The following PKNOX2 variants were observed in gnomAD, a reference collection of about 807,000 sequenced individuals.
PKNOX2 encodes PBX/knotted 1 homeobox 2.
PKNOX2 carries 14 observed loss-of-function variants against 53.1 expected under a neutral mutation model. That is an observed-to-expected ratio of 0.26 (90% CI 0.17 to 0.41). PKNOX2 has a LOEUF of 0.41. Among genes scored for constraint, PKNOX2 ranks in the 10% least tolerant of loss-of-function variants. The pLI is 1.00. For synonymous variants in PKNOX2, 257 were observed against 242.8 expected (o/e 1.06, Z -0.54); for missense variants, 496 against 602.8 (o/e 0.82, Z 1.85).
rs1441898471 is a variant in PKNOX2, at chr11:125,311,411, A to G, written c.-129-20408A>G. Among the ~76,000 whole-genome samples the G allele has an allele frequency of 2.0e-5, 3 of 152,186 alleles. No homozygotes were observed. The East Asian group carries it at 5.8e-4, about 29-fold the overall frequency. Reference sequence around the variant, plus strand: ...AGGGAACAAGAATTGTCCCCGCCTTAGACACCATGGAGGAGGCAGACACAC... The same window carrying G: ...AGGGAACAAGAATTGTCCCCGCCTTGGACACCATGGAGGAGGCAGACACAC... On this transcript the variant is annotated intron_variant, in intron 2 of 12. Transcript: ENST00000298282.
intron 2 of PKNOX2, among the ~76,000 whole-genome samples, chr11:125,322,970 G>C (rs898554669): frequency 6.6e-6 from 1 of 152,182 alleles, no homozygotes; most frequent in Non-Finnish European, 1.5e-5. Context: ...GATAACCCCA[G>C]TACATAAAGT....
At chr11:125,342,008 T>G (rs1409715831) in intron 3 of PKNOX2, among the ~76,000 whole-genome samples, 1 of 152,220 alleles carries the variant, frequency 6.6e-6, no homozygotes, top group African/African-American at 2.4e-5. Flanking sequence ...CCATGGGCTC[T>G]ATTTAGAGCT....
intron 7 of PKNOX2, among the ~76,000 whole-genome samples, chr11:125,405,923 C>G (rs1433394126): frequency 1.3e-5 from 2 of 152,184 alleles, no homozygotes; most frequent in Non-Finnish European, 1.5e-5. Context: ...ACAAAACGAA[C>G]AGAATTCTTG....
chr11:125,420,218 G>GT (rs1350741348), intron 10 of PKNOX2, among the ~76,000 whole-genome samples: 2 of 75,986 alleles, frequency 2.6e-5, no homozygotes, highest in African/African-American at 7.7e-5. Context: ...AAAAAGCTGA[G>GT]TTTTTTATTT....
chr11:125,388,954 G>A (rs1169248262), intron 6 of PKNOX2, among the ~76,000 whole-genome samples: 1 of 152,182 alleles, frequency 6.6e-6, no homozygotes, highest in East Asian at 1.9e-4. Context: ...CAGCACTTTG[G>A]GAGTCCAAGG....
chr11:125,241,159 C>A (rs1943114137), intron 2 of PKNOX2, among the ~76,000 whole-genome samples: 1 of 152,286 alleles, frequency 6.6e-6, no homozygotes, highest in South Asian at 2.1e-4. Flanking sequence ...TTCCTAACTT[C>A]ATCTCTCACC....
At chr11:125,324,777 A>T (rs577566330) in intron 2 of PKNOX2, among the ~76,000 whole-genome samples, 1 of 152,126 alleles carries the variant, frequency 6.6e-6, no homozygotes, top group African/African-American at 2.4e-5. Context: ...ACCAAGATGC[A>T]CTTACCTTCA....
intron 9 of PKNOX2, chr11:125,411,236 C>T: frequency 3.2e-6 from 1 of 309,198 alleles, no homozygotes; most frequent in South Asian, 3.5e-5. Flanking sequence ...GATAAGTCAC[C>T]TAACCTCTCT....
Position 125,411,494 on chromosome 11 carries a change from CT to C in PKNOX2, c.817-251del, listed in dbSNP as rs1565519872. 1.8e-3 allele frequency: 819 copies of C among 455,522 alleles called. 9 individuals are homozygous for C. Among genetic ancestry groups the C allele is most frequent in the African/African-American group, 0.015 (736 of 48,402 alleles). 28.2% of individuals were successfully genotyped at this position (455,522 alleles called of 1,614,324 possible). On this transcript the variant is annotated intron_variant, in intron 9 of 12. Transcript: ENST00000298282. ...TCTCTCTCTCTCTCTCTCTCTCTCTCTCTCTCTCTCTCTCTCCCCCCCTTCC... is the reference window on the plus strand; with the variant it reads ...TCTCTCTCTCTCTCTCTCTCTCTCTCCTCTCTCTCTCTCTCCCCCCCTTCC...
chr11:125,378,045 G>A (rs571927687), intron 5 of PKNOX2, among the ~76,000 whole-genome samples: 12 of 152,300 alleles, frequency 7.9e-5, no homozygotes, highest in East Asian at 1.9e-4. Flanking sequence ...GACCATCTGC[G>A]GTAAACAGAT....
At chr11:125,428,964 C>T (rs1956564305) in intron 10 of PKNOX2, 48 bp from the exon 11 acceptor site, 1 of 1,547,740 alleles carries the variant, frequency 6.5e-7, no homozygotes, top group Non-Finnish European at 8.9e-7. Flanking sequence ...TTGGGGGGGC[C>T]AGATCAGCAT....
intron 1 of PKNOX2, among the ~76,000 whole-genome samples, chr11:125,198,076 C>T (rs1446869086): frequency 2.0e-5 from 3 of 152,196 alleles, no homozygotes; most frequent in Non-Finnish European, 2.9e-5. Context: ...GATGGTCCCT[C>T]GTCTGTGTTT....
intron 4 of PKNOX2, among the ~76,000 whole-genome samples, chr11:125,357,591 A>G (rs532925986): frequency 2.0e-5 from 3 of 150,966 alleles, no homozygotes; most frequent in Admixed American, 1.3e-4. Flanking sequence ...CCAAGTCAGC[A>G]GCGGGTCTGG....
chr11:125,277,919 T>C (rs932052828), intron 2 of PKNOX2, among the ~76,000 whole-genome samples: 1 of 152,206 alleles, frequency 6.6e-6, no homozygotes, highest in Non-Finnish European at 1.5e-5. Context: ...CAGTGCAATT[T>C]TTTTTTAAAG....
chr11:125,310,426 C>T lies in PKNOX2; in HGVS notation c.-129-21393C>T, dbSNP rs191016036. ...AGGAGAATTGCTTGAACCCAGGAGG[C>T]GGAGGTTGCAGTGAGCCGAGATCCT... is the stretch of plus-strand genomic sequence containing the variant. On this transcript the variant is annotated intron_variant, in intron 2 of 12. Transcript: ENST00000298282. Among the ~76,000 whole-genome samples, 376 of 151,264 alleles carry T rather than the reference C, an allele frequency of 2.5e-3. 1 individual carries two copies. Among genetic ancestry groups the T allele is most frequent in the African/African-American group, 7.8e-3 (320 of 41,148 alleles).
intron 1 of PKNOX2, among the ~76,000 whole-genome samples, chr11:125,231,943 A>C (rs998559283): frequency 2.6e-5 from 4 of 152,166 alleles, no homozygotes; most frequent in Non-Finnish European, 5.9e-5. Context: ...CTGAAACCCA[A>C]ATCAGGGAAA....
intron 1 of PKNOX2, among the ~76,000 whole-genome samples, chr11:125,234,085 C>T (rs933626733): frequency 1.3e-4 from 19 of 151,558 alleles, no homozygotes; most frequent in African/African-American, 4.9e-5. Flanking sequence ...CTTTGGAATG[C>T]CTTCTCCTCC....
Position 125,272,180 on chromosome 11 carries a change from C to G in PKNOX2, c.-130+37065C>G, listed in dbSNP as rs113683953. 4.5e-4 allele frequency among the ~76,000 whole-genome samples: 68 copies of G among 152,322 alleles called. 1 individual carries two copies. The highest frequency in any genetic ancestry group is 1.5e-3 in the African/African-American group (61 of 41,570). ...GGGAACTAGAGTTGGTGATGACAGT[C>G]CTCCTGGCTGTGAAGGGTCGTGGGG... On this transcript the variant is annotated intron_variant, in intron 2 of 12. Transcript: ENST00000298282.
chr11:125,410,350 G>A (rs1363635638), intron 8 of PKNOX2, 25 bp downstream of exon 8: 1 of 1,613,088 alleles, frequency 6.2e-7, no homozygotes, highest in East Asian at 2.2e-5. Flanking sequence ...TGGGAAGGGT[G>A]ATTGTGGGAA....
Sources: allele counts gnomAD v4.1 joint callset (sites outside exome capture counted in the v4.1 genomes callset), GRCh38; gene constraint gnomAD v4.1.1; transcripts MANE v1.5; gene names NCBI Gene and HGNC (gene_info 2026-07-23, HGNC 2026-07-21).